Variants in TMEM132D observed in about 807,000 individuals in gnomAD.
TMEM132D encodes mature OL transmembrane protein.
A neutral mutation model predicts 62.3 loss-of-function variants in TMEM132D; 21 were observed. That is an observed-to-expected ratio of 0.34 (90% confidence interval 0.24 to 0.49). The LOEUF (loss-of-function observed/expected upper bound fraction) is 0.49. Among genes scored for constraint, TMEM132D ranks in the 20% least tolerant of loss-of-function variants. The pLI, the probability that TMEM132D is intolerant of heterozygous loss-of-function variation, is 0.99. For synonymous variants in TMEM132D, 621 were observed against 575.6 expected, an observed-to-expected ratio of 1.08 and a Z score of -1.13; for missense variants, 1,346 against 1,402.8, an observed-to-expected ratio of 0.96 and a Z score of 0.65.
intron 4 of TMEM132D, among the ~76,000 whole-genome samples, chr12:129,220,471 A>C (rs1593300573): frequency 1.3e-5 from 2 of 152,176 alleles, no homozygotes; most frequent in Non-Finnish European, 2.9e-5. Context: ...TTTGGAAAGT[A>C]CCTTGTGGGG....
At chr12:129,446,356 G>A (rs1248436670) in intron 3 of TMEM132D, among the ~76,000 whole-genome samples, 2 of 152,060 alleles carry the variant, frequency 1.3e-5, no homozygotes, top group Non-Finnish European at 2.9e-5. Flanking sequence ...TTTGCAACAG[G>A]TGTTGTGCAC....
At chr12:129,560,430 G>A (rs1369195659) in intron 2 of TMEM132D, among the ~76,000 whole-genome samples, 1 of 151,742 alleles carries the variant, frequency 6.6e-6, no homozygotes, top group African/African-American at 2.4e-5. Flanking sequence ...CTACCACCCA[G>A]CTAATTTTTT....
chr12:129,370,943 CTA>C (rs1870577166), intron 3 of TMEM132D, among the ~76,000 whole-genome samples: 8 of 151,936 alleles, frequency 5.3e-5, no homozygotes, highest in Admixed American at 5.2e-4. Flanking sequence ...GATAGAAGAA[CTA>C]TGTTTTAGTA....
chr12:129,407,291 A>G (rs1039252168), intron 3 of TMEM132D, among the ~76,000 whole-genome samples: 1 of 152,206 alleles, frequency 6.6e-6, no homozygotes, highest in Admixed American at 6.5e-5. Context: ...TCTGTGAAGT[A>G]TAAACCTTTA....
intron 1 of TMEM132D, among the ~76,000 whole-genome samples, chr12:129,881,290 T>C (rs992573501): frequency 6.6e-6 from 1 of 151,906 alleles, no homozygotes; most frequent in Non-Finnish European, 1.5e-5. Flanking sequence ...CTCTCAGTAA[T>C]AGAAAATATA....
At chr12:129,182,017 C>G (rs1878079368) in intron 5 of TMEM132D, among the ~76,000 whole-genome samples, 1 of 152,162 alleles carries the variant, frequency 6.6e-6, no homozygotes, top group Admixed American at 6.5e-5. Context: ...ATCAAGGTGG[C>G]TACAGGCAAG....
At chr12:129,861,161 T>C (rs1303004672) in intron 1 of TMEM132D, among the ~76,000 whole-genome samples, 1 of 152,170 alleles carries the variant, frequency 6.6e-6, no homozygotes, top group Admixed American at 6.5e-5. Context: ...AAATGAAAAA[T>C]GCTCTGCCTT....
intron 3 of TMEM132D, among the ~76,000 whole-genome samples, chr12:129,478,627 T>A (rs929708161): frequency 3.3e-5 from 5 of 152,178 alleles, no homozygotes; most frequent in Non-Finnish European, 7.4e-5. Context: ...CCCTCTTAGA[T>A]TTGCTGAGAG....
intron 2 of TMEM132D, among the ~76,000 whole-genome samples, chr12:129,664,549 C>A (rs1417350684): frequency 6.6e-6 from 1 of 151,272 alleles, no homozygotes; most frequent in Non-Finnish European, 1.5e-5. Context: ...CTCAGCCTCC[C>A]AAGTAGCTGG....
chr12:129,607,321 C>T (rs913572948), intron 2 of TMEM132D, among the ~76,000 whole-genome samples: 2 of 152,148 alleles, frequency 1.3e-5, no homozygotes, highest in African/African-American at 2.4e-5. Context: ...GCTCATTCCT[C>T]GCAGCAAAAA....
intron 1 of TMEM132D, among the ~76,000 whole-genome samples, chr12:129,846,926 C>T (rs1513200): frequency 0.12 from 18,858 of 152,066 alleles, 1,796 homozygotes; most frequent in East Asian, 0.52. Context: ...CGACTTCTGC[C>T]CCCTCTCCCT....
chr12:129,231,349 T>C (rs2135578758), intron 4 of TMEM132D, among the ~76,000 whole-genome samples: 1 of 152,344 alleles, frequency 6.6e-6, no homozygotes, highest in Middle Eastern at 3.4e-3. Context: ...TAATCCACGT[T>C]GGAAGCAAAA....
chr12:129,772,000 A>G (rs1282698771), intron 1 of TMEM132D, among the ~76,000 whole-genome samples: 2 of 152,218 alleles, frequency 1.3e-5, no homozygotes, highest in African/African-American at 2.4e-5. Flanking sequence ...ATCTCCCCCA[A>G]GAAAGCAGAG....
chr12:129,210,910 C>A (rs1192616899), intron 4 of TMEM132D: 1 of 152,398 alleles, frequency 6.6e-6, no homozygotes, highest in African/African-American at 2.4e-5. Flanking sequence ...TCTCATGACA[C>A]CCTGCATCTC....
chr12:129,420,334 G>GTTTTTTTTT (rs1872276742), intron 3 of TMEM132D, among the ~76,000 whole-genome samples: 2 of 131,108 alleles, frequency 1.5e-5, no homozygotes, highest in African/African-American at 3.0e-5. Context: ...TTTTTTTGCA[G>GTTTTTTTTT]TATCTGGGCC....
At chr12:129,590,783 A>G (rs1272891599) in intron 2 of TMEM132D, among the ~76,000 whole-genome samples, 2 of 152,298 alleles carry the variant, frequency 1.3e-5, no homozygotes, top group East Asian at 3.9e-4. Context: ...TCATCCACAC[A>G]GTCCAGGACA....
At chr12:129,106,874 C>T (rs767962445) in intron 5 of TMEM132D, among the ~76,000 whole-genome samples, 4 of 152,138 alleles carry the variant, frequency 2.6e-5, no homozygotes, top group Non-Finnish European at 5.9e-5. Flanking sequence ...GATGCTGAGC[C>T]GTCACTGCAT....
chr12:129,083,101 T>C (rs1874506425), intron 6 of TMEM132D, among the ~76,000 whole-genome samples: 2 of 152,200 alleles, frequency 1.3e-5, no homozygotes, highest in African/African-American at 4.8e-5. Flanking sequence ...AGCCACTACG[T>C]TAGACAGAAT....
chr12:129,845,923 A>G (rs1873348158), intron 1 of TMEM132D, among the ~76,000 whole-genome samples: 1 of 152,182 alleles, frequency 6.6e-6, no homozygotes, highest in African/African-American at 2.4e-5. Context: ...TTTTAATTAC[A>G]TGCAAATTAA....
Sources: allele counts gnomAD v4.1 joint callset (sites outside exome capture counted in the v4.1 genomes callset), GRCh38; gene constraint gnomAD v4.1.1; transcripts MANE v1.5; gene names NCBI Gene and HGNC (gene_info 2026-07-23, HGNC 2026-07-21).